The following CAMK4 variants were observed in gnomAD, a reference collection of about 807,000 sequenced individuals.
CAMK4 encodes calcium/calmodulin-dependent protein kinase type IV.
CAMK4 carries 22 observed loss-of-function variants against 44.9 expected under a neutral mutation model. The observed-to-expected ratio is 0.49, with a 90% CI of 0.35 to 0.70. The LOEUF is 0.70. Ranked by LOEUF, CAMK4 falls within the 30% of genes least tolerant of loss-of-function variation. CAMK4 has a pLI of 0.01. For missense variants in CAMK4, 498 were observed against 586.8 expected (o/e 0.85, Z 1.56); for synonymous variants, 218 against 215.4 (o/e 1.01, Z -0.11).
At chr5:111,381,958 G>A (rs924674337) in intron 4 of CAMK4, among the ~76,000 whole-genome samples, 8 of 151,744 alleles carry the variant, frequency 5.3e-5, no homozygotes, top group African/African-American at 1.9e-4. Context: ...TCCCAGTCGA[G>A]GCAACCAGAC....
At chr5:111,399,298 C>G (rs1449810346) in intron 5 of CAMK4, among the ~76,000 whole-genome samples, 2 of 152,152 alleles carry the variant, frequency 1.3e-5, no homozygotes, top group Admixed American at 1.3e-4. Context: ...CATTTCTCTA[C>G]TTCTTTCAGG....
At chr5:111,280,141 G>A (rs1750947904) in intron 1 of CAMK4, among the ~76,000 whole-genome samples, 1 of 152,178 alleles carries the variant, frequency 6.6e-6, no homozygotes, top group Non-Finnish European at 1.5e-5. Flanking sequence ...TTATCTGATT[G>A]TGATTTACTA....
rs79561215 is a variant in CAMK4 at position 111,313,652 on chromosome 5, A to G, written c.162-30372A>G. ...TTATGATAGATTACCATTAAGAAAT[A>G]ATGTGTTCAAAGTGATCAATACAGT... On this transcript the variant is annotated intron_variant, in intron 1 of 10. Transcript: ENST00000282356. Among the ~76,000 whole-genome samples the G allele has an allele frequency of 7.3e-3, 1,107 of 152,262 alleles. 10 individuals carry two copies. Among genetic ancestry groups the G allele is most frequent in the African/African-American group, 0.023 (940 of 41,558 alleles).
At chr5:111,436,206 C>T (rs2112950518) in intron 5 of CAMK4, among the ~76,000 whole-genome samples, 1 of 152,240 alleles carries the variant, frequency 6.6e-6, no homozygotes, top group Non-Finnish European at 1.5e-5. Context: ...ATGACATTTT[C>T]CACCAGTGCC....
At position 111,471,701 on chromosome 5, in the gene CAMK4, T is replaced by C. The variant is rs573475976; in HGVS notation, c.626-1610T>C. Among the ~76,000 whole-genome samples, 11 of 152,308 alleles carry C rather than the reference T, an allele frequency of 7.2e-5. No homozygotes were observed. The South Asian group carries it at 1.2e-3, about 17-fold the overall frequency. The stretch of plus-strand genomic sequence containing the variant: ...ATTGTGAAATTCATGCATAATTTTT[T>C]ATAATATGCATTTACCATGACCTTT... On this transcript the variant is annotated intron_variant, in intron 7 of 10. Transcript: ENST00000282356.
At chr5:111,430,478 G>A (rs1478151450) in intron 5 of CAMK4, among the ~76,000 whole-genome samples, 1 of 152,178 alleles carries the variant, frequency 6.6e-6, no homozygotes, top group Non-Finnish European at 1.5e-5. Flanking sequence ...TGAGACAAGA[G>A]AAAGATATAA....
chr5:111,275,747 T>C (rs1750733607), intron 1 of CAMK4, among the ~76,000 whole-genome samples: 1 of 152,070 alleles, frequency 6.6e-6, no homozygotes, highest in African/African-American at 2.4e-5. Flanking sequence ...TAATAGTTTA[T>C]TGCATATTTC....
chr5:111,445,198 A>G (rs1178336711), intron 5 of CAMK4, among the ~76,000 whole-genome samples: 2 of 152,220 alleles, frequency 1.3e-5, no homozygotes, highest in African/African-American at 2.4e-5. Context: ...AACAACTTGA[A>G]TGTCCATTAA....
At chr5:111,436,927 G>A (rs558813989) in intron 5 of CAMK4, among the ~76,000 whole-genome samples, 3 of 152,300 alleles carry the variant, frequency 2.0e-5, no homozygotes, top group African/African-American at 7.2e-5. Context: ...AATTAATTCA[G>A]CTATAACTAC....
chr5:111,436,541 C>T (rs995876543), intron 5 of CAMK4, among the ~76,000 whole-genome samples: 4 of 152,164 alleles, frequency 2.6e-5, no homozygotes, highest in Non-Finnish European at 5.9e-5. Flanking sequence ...GACTTCTGGG[C>T]CATACCCAAA....
intron 4 of CAMK4, among the ~76,000 whole-genome samples, chr5:111,384,297 A>G (rs187500163): frequency 6.6e-6 from 1 of 152,226 alleles, no homozygotes; most frequent in African/African-American, 2.4e-5. Context: ...TCATTCATGG[A>G]GTTTTGGACA....
chr5:111,230,883 A>T (rs145958371), intron 1 of CAMK4, among the ~76,000 whole-genome samples: 137 of 152,188 alleles, frequency 9.0e-4, no homozygotes, highest in African/African-American at 3.1e-3. Flanking sequence ...AATAAACAGA[A>T]TATTGATTTT....
At chr5:111,268,378 T>C (rs749874991) in intron 1 of CAMK4, among the ~76,000 whole-genome samples, 53 of 152,306 alleles carry the variant, frequency 3.5e-4, no homozygotes, top group Non-Finnish European at 5.1e-4. Context: ...CACATGTAAG[T>C]GTTCATCTCT....
At chr5:111,404,844 C>A (rs1752358074) in intron 5 of CAMK4, among the ~76,000 whole-genome samples, 1 of 152,150 alleles carries the variant, frequency 6.6e-6, no homozygotes. Flanking sequence ...TCTTAGCTTA[C>A]ACCATATATA....
At chr5:111,379,261 G>C (rs559882995) in intron 4 of CAMK4, among the ~76,000 whole-genome samples, 4 of 152,214 alleles carry the variant, frequency 2.6e-5, no homozygotes, top group Admixed American at 6.5e-5. Flanking sequence ...GGAATCATGG[G>C]TTTCTCCTTC....
At position 111,336,715 on chromosome 5, in the gene CAMK4, AT is replaced by A. The variant is rs1419607231; in HGVS notation, c.162-7303del. On this transcript the variant is annotated intron_variant, in intron 1 of 10. Transcript: ENST00000282356. ...AATTAAGAAATGGATGCCATTTAAT[AT>A]TTTTTATGTGAATTTTTGAGTAACA... 1.1e-4 allele frequency among the ~76,000 whole-genome samples: 16 copies of A among 151,212 alleles called. 1 individual carries two copies. Among genetic ancestry groups the A allele is most frequent in the South Asian group, 8.3e-4 (4 of 4,822 alleles).
At chr5:111,344,896 T>A (rs1049625255) in intron 2 of CAMK4, among the ~76,000 whole-genome samples, 6 of 151,938 alleles carry the variant, frequency 3.9e-5, no homozygotes, top group African/African-American at 1.2e-4. Flanking sequence ...TTATGCAGTT[T>A]CTACTCATAA....
rs145029735 is a variant in CAMK4 at position 111,292,378 on chromosome 5, T to C, written c.162-51646T>C. ...GTTATATAAAGTATGAATGTATGTG[T>C]ACATATGTGTTTGTGTGTGTATATG... On this transcript the variant is annotated intron_variant, in intron 1 of 10. Transcript: ENST00000282356. Among the ~76,000 whole-genome samples the C allele has an allele frequency of 2.7e-3, 404 of 152,330 alleles. 8 individuals are homozygous for C. Among genetic ancestry groups the C allele is most frequent in the African/African-American group, 9.2e-3 (384 of 41,576 alleles).
At chr5:111,251,752 T>C (rs777334542) in intron 1 of CAMK4, among the ~76,000 whole-genome samples, 5 of 152,230 alleles carry the variant, frequency 3.3e-5, no homozygotes, top group Non-Finnish European at 7.3e-5. Context: ...GATACAGAGC[T>C]GTGATGGCAG....
Sources: allele counts gnomAD v4.1 joint callset (sites outside exome capture counted in the v4.1 genomes callset), GRCh38; gene constraint gnomAD v4.1.1; transcripts MANE v1.5; gene names NCBI Gene and HGNC (gene_info 2026-07-23, HGNC 2026-07-21).